CNNM3: variants seen among roughly 807,000 people sequenced by gnomAD.
The protein encoded by CNNM3 is cyclin and CBS domain divalent metal cation transport mediator 3, also known as metal transporter CNNM3.
CNNM3 carries 47 observed loss-of-function variants against 57.1 expected under a neutral mutation model. That is an observed-to-expected ratio of 0.82 (90% confidence interval 0.65 to 1.05). The LOEUF is 1.05. CNNM3 is among the 50% of genes least tolerant of loss of function. The pLI is 0.00. For synonymous variants in CNNM3, 507 were observed against 478.2 expected (o/e 1.06, Z -0.79); for missense variants, 957 against 973.7 (o/e 0.98, Z 0.23).
At chr2:96,835,565 T>C (rs531026781), downstream of CNNM3, among the ~76,000 whole-genome samples, 218 of 150,358 alleles carry the variant, frequency 1.4e-3, no homozygotes, top group African/African-American at 5.0e-3. Context: ...GCCTCCCGGG[T>C]TCATGCCATT....
intron 3 of CNNM3, 44 bp downstream of exon 3, chr2:96,827,026 T>A (rs897949608): frequency 2.3e-5 from 36 of 1,599,262 alleles, no homozygotes; most frequent in Non-Finnish European, 2.9e-5. Context: ...TCCTCACCGT[T>A]CTGTGGGTCA....
At chr2:96,823,741 A>C (rs965629318) in intron 1 of CNNM3, among the ~76,000 whole-genome samples, 1 of 152,208 alleles carries the variant, frequency 6.6e-6, no homozygotes, top group Admixed American at 6.5e-5. Context: ...ACCCCCTCAC[A>C]GGCAGGTCCA....
chr2:96,827,717 T>C lies in CNNM3; in HGVS notation c.1520-14T>C. The C allele has an allele frequency of 6.2e-7, 1 of 1,607,054 alleles. No individual in the cohort carries two copies. Among genetic ancestry groups the C allele is most frequent in the South Asian group, 1.1e-5 (1 of 90,732 alleles). On this transcript the variant is annotated splice_polypyrimidine_tract_variant and intron_variant, in intron 3 of 7. Transcript: ENST00000305510. Reference sequence around the variant, plus strand: ...GCCCCAGTGGACACTGTCCCTTTTTTCCACCACGTGCAGAAGTGGATGTAT... The same window carrying C: ...GCCCCAGTGGACACTGTCCCTTTTTCCCACCACGTGCAGAAGTGGATGTAT...
Position 96,826,792 on chromosome 2 carries a change from A to AGG in CNNM3, c.1370-40_1370-39dup, listed in dbSNP as rs762116757. On this transcript the variant is annotated intron_variant, in intron 2 of 7. Coordinates refer to ENST00000305510, the MANE Select transcript of CNNM3 (RefSeq NM_017623.5). ...CCTTAGTGTGGTCGTGTTGACTGAC[A>AGG]GGTGGCTGATGCCTGAGCGCGCCCT... 2.5e-6 allele frequency: 4 copies of AGG among 1,610,988 alleles called. No individual in the cohort carries two copies. In the South Asian group the frequency reaches 4.4e-5, roughly 18 times the overall value.
chr2:96,830,317 C>T (rs190862940), intron 7 of CNNM3, among the ~76,000 whole-genome samples: 1 of 151,860 alleles, frequency 6.6e-6, no homozygotes, highest in African/African-American at 2.4e-5. Flanking sequence ...CTAGGAGCTT[C>T]CATGTCTAAC....
In CNNM3 at chr2:96,816,279, T is replaced by TGGC; in HGVS notation, c.11_13dup (p.Ala4dup). ...GAGGCCGAGAGGGGGCAGCAGGCGATGGCGGCGGCGGTAGCTGCGGCGGGT... is the reference window on the plus strand; with the variant it reads ...GAGGCCGAGAGGGGGCAGCAGGCGATGGCGGCGGCGGCGGTAGCTGCGGCGGGT... On this transcript the variant is annotated inframe_insertion, in exon 1 of 8. Coordinates refer to ENST00000305510, the MANE Select transcript of CNNM3 (RefSeq NM_017623.5). The TGGC allele has an allele frequency of 2.3e-6, 3 of 1,309,922 alleles. No individual in the cohort carries two copies. The highest frequency in any genetic ancestry group is 3.5e-5 in the Admixed American group (1 of 28,718). The allele number at this position is 1,309,922 out of a possible 1,614,324, so 81.1% of individuals were successfully genotyped here. A position where few individuals can be genotyped will look rare whatever the true frequency, so the allele number is the denominator to read the frequency against.
intron 1 of CNNM3, among the ~76,000 whole-genome samples, chr2:96,824,013 G>T (rs1261075173): frequency 1.3e-5 from 2 of 152,182 alleles, no homozygotes; most frequent in Non-Finnish European, 2.9e-5. Flanking sequence ...ACTATATTGG[G>T]TTACTTACAA....
chr2:96,834,916 C>T lies in CNNM3; in HGVS notation c.*2300C>T, dbSNP rs1027126632. Among the ~76,000 whole-genome samples, 3 of 152,160 alleles carry T rather than the reference C, an allele frequency of 2.0e-5. No individual in the cohort carries two copies. Among genetic ancestry groups the T allele is most frequent in the Non-Finnish European group, 4.4e-5 (3 of 68,028 alleles). ...GGAAGTTGTAAAGGTAAGGGCCCCA[C>T]GCACCCTTCATCTAGTTTCCCTCCA... On this transcript the variant is annotated 3_prime_UTR_variant, in exon 8 of 8. Transcript: ENST00000305510.
chr2:96,826,681 C>T (rs1453945944), intron 2 of CNNM3, 152 bp from the exon 3 acceptor site: 13 of 821,412 alleles, frequency 1.6e-5, no homozygotes, highest in East Asian at 2.5e-5. Context: ...GTGGAGGGAG[C>T]GGTGCTGAGG....
chr2:96,831,894 G>A, intron 7 of CNNM3: 1 of 826,246 alleles, frequency 1.2e-6, no homozygotes. Context: ...TCTCCATGGT[G>A]CTGCCCGGAG....
intron 1 of CNNM3, chr2:96,824,768 G>C (rs2079468907): frequency 4.7e-6 from 2 of 423,558 alleles, no homozygotes; most frequent in South Asian, 5.4e-5. Flanking sequence ...ATGTCATGGA[G>C]GTGCACGGAC....
rs377754031 is a variant in CNNM3, at chr2:96,833,006, G to A, written c.*390G>A. On this transcript the variant is annotated 3_prime_UTR_variant, in exon 8 of 8. Transcript: ENST00000305510. ...GTGCAGTTACTGCCTTTGTGTGGCC[G>A]TGACCTCTATTTGTTTGCTTTTAAT... 147 of 1,323,280 alleles carry A rather than the reference G, an allele frequency of 1.1e-4. No homozygotes were observed. In the East Asian group the frequency reaches 6.1e-3, roughly 55 times the overall value. The allele number at this position is 1,323,280 out of a possible 1,614,324, so 82.0% of individuals were successfully genotyped here.
chr2:96,827,620 C>T, intron 3 of CNNM3, 111 bp from the exon 4 acceptor site: 1 of 1,147,410 alleles, frequency 8.7e-7, no homozygotes, highest in Non-Finnish European at 1.2e-6. Context: ...CACAGGCCAC[C>T]CGGGAGATCC....
intron 2 of CNNM3, 113 bp from the exon 3 acceptor site, chr2:96,826,720 C>T: frequency 7.8e-7 from 1 of 1,288,788 alleles, no homozygotes; most frequent in Non-Finnish European, 1.1e-6. Context: ...GATGCTGCTC[C>T]ATCGAGGACC....
At chr2:96,829,278 T>A in intron 7 of CNNM3, 144 bp downstream of exon 7, 4 of 1,043,202 alleles carry the variant, frequency 3.8e-6, no homozygotes, top group Non-Finnish European at 4.7e-6. Context: ...TTTATATATA[T>A]ATATCTATAT....
intron 1 of CNNM3, among the ~76,000 whole-genome samples, chr2:96,818,115 C>G (rs192627077): frequency 1.3e-5 from 2 of 152,326 alleles, no homozygotes; most frequent in African/African-American, 4.8e-5. Context: ...TCCCTTTCTC[C>G]CAGCTCTGTC....
chr2:96,817,326 C>T lies in CNNM3; in HGVS notation c.1049C>T (p.Pro350Leu). The change falls in exon 1 of 8, where the codon CCG (proline) becomes CTG (leucine). Residue 350 changes from proline (P) to leucine (L), a missense_variant. Transcript: ENST00000305510. ...ATGCAGAGCGGCCACACGCGCATCCCGGTGTACGAGGAGGAGCGCTCCAAC... is the reference window on the plus strand; with the variant it reads ...ATGCAGAGCGGCCACACGCGCATCCTGGTGTACGAGGAGGAGCGCTCCAAC... ...SIMQSGHTRI[P>L]VYEEERSNIV... 2.5e-6 allele frequency: 4 copies of T among 1,614,104 alleles called. No homozygotes were observed. Among genetic ancestry groups the T allele is most frequent in the South Asian group, 1.1e-5 (1 of 91,082 alleles).
intron 6 of CNNM3, 145 bp downstream of exon 6, chr2:96,828,845 G>C: frequency 6.7e-7 from 1 of 1,481,982 alleles, no homozygotes; most frequent in South Asian, 1.3e-5. Context: ...TCCAAGCAAG[G>C]TCTTAAAAAC....
rs1464266662 is a variant in CNNM3 at position 96,816,301 on chromosome 2, G to C, written c.24G>C (p.Ala8=). The C allele has an allele frequency of 7.8e-7, 1 of 1,288,592 alleles. No homozygotes were observed. Among genetic ancestry groups the C allele is most frequent in the South Asian group, 2.6e-5 (1 of 38,290 alleles). 79.8% of individuals were successfully genotyped at this position (1,288,592 alleles called of 1,614,324 possible). ...CGATGGCGGCGGCGGTAGCTGCGGC[G>C]GGTCGGTTAGGCTGGTTGTTCGCCG... MAAAVAA[A]GRLGWLFAAL... is the part of the protein sequence containing the mutation. Residue 8 remains alanine, a synonymous_variant, in exon 1 of 8, where the codon GCG becomes GCC. Coordinates refer to ENST00000305510, the MANE Select transcript of CNNM3 (RefSeq NM_017623.5).
Sources: gnomAD v4.1 joint callset for allele counts (sites outside exome capture counted in the v4.1 genomes callset) on GRCh38, gnomAD v4.1.1 for gene constraint, MANE v1.5 for transcripts, NCBI Gene and HGNC (gene_info 2026-07-23, HGNC 2026-07-21) for gene names.